EDA: variants seen among roughly 807,000 people sequenced by gnomAD.
EDA encodes the protein ectodysplasin A, also known as ectodysplasin-A.
A neutral mutation model predicts 23.6 loss-of-function variants in EDA; 2 were observed. The observed-to-expected ratio is 0.08, with a 90% CI of 0.03 to 0.27. EDA has a LOEUF of 0.27. Among genes scored for constraint, EDA ranks in the 10% least tolerant of loss-of-function variants. EDA has a pLI of 1.00. For synonymous variants in EDA, 131 were observed against 132.0 expected, an observed-to-expected ratio of 0.99 and a Z score of 0.05; for missense variants, 229 against 324.2, an observed-to-expected ratio of 0.71 and a Z score of 2.26.
chrX:69,630,911 GT>G (rs1422479288), intron 1 of EDA, among the ~76,000 whole-genome samples: 1 of 111,646 alleles, frequency 9.0e-6, no homozygotes, highest in African/African-American at 3.3e-5. Context: ...GGATACAGTA[GT>G]ACTGGTCCCA....
intron 1 of EDA, among the ~76,000 whole-genome samples, chrX:69,682,416 C>T (rs1011585232): frequency 8.9e-6 from 1 of 112,464 alleles, no homozygotes; most frequent in Non-Finnish European, 1.9e-5. Context: ...GCCCCTCCCC[C>T]AGCCTCGCTG....
At chrX:69,769,276 T>C in intron 1 of EDA, among the ~76,000 whole-genome samples, 1 of 112,007 alleles carries the variant, frequency 8.9e-6, no homozygotes, top group East Asian at 2.8e-4. Flanking sequence ...AGTAATGAAA[T>C]CTCTGAATAT....
Position 69,819,911 on chromosome X carries a change from AAAC to A in EDA, c.397-137113_397-137111del, listed in dbSNP as rs771057565. On this transcript the variant is annotated intron_variant, in intron 1 of 7. Transcript: ENST00000374552. ...TTCATGTGGAAGCAAAAAAAAAAAA[AAAC>A]AAAAAACACCCAAATAGCCAAGATA... is the stretch of plus-strand genomic sequence containing the variant. Among the ~76,000 whole-genome samples, 408 of 104,216 alleles carry A rather than the reference AAAC, an allele frequency of 3.9e-3. 6 individuals carry two copies. The highest frequency in any genetic ancestry group is 0.012 in the African/African-American group (348 of 28,016). The allele number at this position is 104,216 out of a possible 115,157, so 90.5% of individuals were successfully genotyped here.
In EDA at chrX:70,035,878, T is replaced by C. The variant is rs2020261154; in HGVS notation, c.*269T>C. Reference sequence around the variant, plus strand: ...GTTCCATGTTGACTGACTTATGGCATGACTCTTCAACCCCGAGGTCCCTGT... The same window carrying C: ...GTTCCATGTTGACTGACTTATGGCACGACTCTTCAACCCCGAGGTCCCTGT... On this transcript the variant is annotated 3_prime_UTR_variant, in exon 8 of 8. Transcript: ENST00000374552. The C allele has an allele frequency of 2.5e-6, 1 of 403,039 alleles. No individual in the cohort carries two copies. Among genetic ancestry groups the C allele is most frequent in the Admixed American group, 4.4e-5 (1 of 22,739 alleles). The allele number at this position is 403,039 out of a possible 1,213,427, so 33.2% of individuals were successfully genotyped here. A position where few individuals can be genotyped will look rare whatever the true frequency, so the allele number is the denominator to read the frequency against.
At chrX:69,789,633 A>G (rs1400004086) in intron 1 of EDA, among the ~76,000 whole-genome samples, 1 of 111,869 alleles carries the variant, frequency 8.9e-6, no homozygotes, top group African/African-American at 3.2e-5. Flanking sequence ...ACCCTCTCAC[A>G]AGTATTCCTT....
rs772793350 is a variant in EDA at position 70,033,577 on chromosome X, C to A, written c.924+49C>A. 33 of 1,185,594 alleles carry A rather than the reference C, an allele frequency of 2.8e-5. No individual in the cohort carries two copies. In the East Asian group the frequency reaches 9.4e-4, roughly 34 times the overall value. On this transcript the variant is annotated intron_variant, in intron 7 of 7. Transcript: ENST00000374552. ...TCTTCTTATATCCAGAATGCAGATCCGGTGCAGGCCACATAGGGGCACTGT... is the reference window on the plus strand; with the variant it reads ...TCTTCTTATATCCAGAATGCAGATCAGGTGCAGGCCACATAGGGGCACTGT...
At chrX:69,965,902 C>T (rs1364491788) in intron 2 of EDA, among the ~76,000 whole-genome samples, 3 of 110,848 alleles carry the variant, frequency 2.7e-5, no homozygotes, top group Admixed American at 9.6e-5. Flanking sequence ...TTTTTATTAG[C>T]GAATTGTGGT....
chrX:69,886,478 A>C (rs2017831216), intron 1 of EDA, among the ~76,000 whole-genome samples: 3 of 111,123 alleles, frequency 2.7e-5, no homozygotes, highest in Non-Finnish European at 5.7e-5. Flanking sequence ...GTAGGCCCTA[A>C]AACAGCCCTG....
intron 1 of EDA, chrX:69,937,023 G>A (rs1302671243): frequency 7.2e-6 from 3 of 417,428 alleles, no homozygotes; most frequent in East Asian, 7.8e-5. Flanking sequence ...AGTACTGAAA[G>A]GCAGACAATA....
chrX:69,822,709 T>G (rs983419502), intron 1 of EDA, among the ~76,000 whole-genome samples: 6 of 111,163 alleles, frequency 5.4e-5, no homozygotes, highest in African/African-American at 2.0e-4. Flanking sequence ...TATTTATTAT[T>G]ATTATACTTT....
intron 1 of EDA, among the ~76,000 whole-genome samples, chrX:69,748,075 AG>A (rs1381206957): frequency 8.9e-6 from 1 of 111,759 alleles, no homozygotes; most frequent in Non-Finnish European, 1.9e-5. Flanking sequence ...AGGAGACTGA[AG>A]GTGAGAAGCT....
At chrX:69,990,272 T>C (rs1285574332) in intron 2 of EDA, among the ~76,000 whole-genome samples, 1 of 111,073 alleles carries the variant, frequency 9.0e-6, no homozygotes, top group East Asian at 2.8e-4. Context: ...GAAGTGGAAG[T>C]GTAGGTCCCA....
chrX:69,923,225 T>C (rs781455997), intron 1 of EDA, among the ~76,000 whole-genome samples: 24 of 111,354 alleles, frequency 2.2e-4, no homozygotes, highest in African/African-American at 7.8e-4. Context: ...GTTTGTTACA[T>C]AGGTATACAT....
At chrX:69,889,239 C>G (rs2147629191) in intron 1 of EDA, among the ~76,000 whole-genome samples, 1 of 106,449 alleles carries the variant, frequency 9.4e-6, no homozygotes, top group African/African-American at 3.4e-5. Flanking sequence ...CTTTGACCTC[C>G]CGGGCTCAAG....
intron 1 of EDA, among the ~76,000 whole-genome samples, chrX:69,950,696 A>G (rs1213578782): frequency 6.3e-4 from 52 of 82,346 alleles, no homozygotes; most frequent in African/African-American, 2.1e-3. Flanking sequence ...CAACCCAAAT[A>G]TCCAACAATG....
intron 1 of EDA, among the ~76,000 whole-genome samples, chrX:69,880,642 C>A (rs2017730583): frequency 8.9e-6 from 1 of 112,053 alleles, no homozygotes; most frequent in Non-Finnish European, 1.9e-5. Context: ...ACCCCAGTAG[C>A]TGAATTATAG....
intron 2 of EDA, among the ~76,000 whole-genome samples, chrX:69,974,276 A>G (rs2019287183): frequency 9.0e-6 from 1 of 111,140 alleles, no homozygotes; most frequent in Non-Finnish European, 1.9e-5. Flanking sequence ...TTAAAGCTAA[A>G]TAAATACAAA....
intron 2 of EDA, among the ~76,000 whole-genome samples, chrX:69,980,528 C>T: frequency 8.9e-6 from 1 of 112,414 alleles, no homozygotes; most frequent in Middle Eastern, 4.6e-3. Flanking sequence ...AATACTTTTA[C>T]ATTTAAAAAA....
At chrX:69,928,858 CAT>C (rs1485705704) in intron 1 of EDA, among the ~76,000 whole-genome samples, 2 of 111,372 alleles carry the variant, frequency 1.8e-5, no homozygotes, top group Non-Finnish European at 3.8e-5. Flanking sequence ...AGTAGGAACT[CAT>C]AGAAAAGTTT....
Sources: allele counts gnomAD v4.1 joint callset (sites outside exome capture counted in the v4.1 genomes callset), GRCh38; gene constraint gnomAD v4.1.1; transcripts MANE v1.5; gene names NCBI Gene and HGNC (gene_info 2026-07-23, HGNC 2026-07-21).